The following BIRC5 variants were observed in gnomAD, a reference collection of about 807,000 sequenced individuals.
BIRC5 encodes the protein baculoviral IAP repeat-containing protein 5.
A neutral mutation model predicts 15.8 loss-of-function variants in BIRC5; 8 were observed. That is an observed-to-expected ratio of 0.51 (90% CI 0.30 to 0.91). The LOEUF (loss-of-function observed/expected upper bound fraction) is 0.91, where lower values mean the gene tolerates loss of function less well. Ranked by LOEUF, BIRC5 falls within the 40% of genes least tolerant of loss-of-function variation. The pLI is 0.07. For synonymous variants in BIRC5, 56 were observed against 64.5 expected, an observed-to-expected ratio of 0.87 and a Z score of 0.63; for missense variants, 163 against 178.6, an observed-to-expected ratio of 0.91 and a Z score of 0.50.
At chr17:78,219,300 T>C (rs2076500776) in intron 3 of BIRC5, among the ~76,000 whole-genome samples, 1 of 152,186 alleles carries the variant, frequency 6.6e-6, no homozygotes, top group Non-Finnish European at 1.5e-5. Flanking sequence ...TTCTCGTGCC[T>C]CAGGCTCCCA....
In BIRC5 at chr17:78,216,734, C is replaced by G; in HGVS notation, c.292C>G (p.Leu98Val). The G allele has an allele frequency of 6.2e-7, 1 of 1,614,018 alleles. No individual in the cohort carries two copies. Among genetic ancestry groups the G allele is most frequent in the Non-Finnish European group, 8.5e-7 (1 of 1,179,942 alleles). ...CAAGAAGCAGTTTGAAGAATTAACCCTTGGTGAATTTTTGAAACTGGACAG... is the reference window on the plus strand; with the variant it reads ...CAAGAAGCAGTTTGAAGAATTAACCGTTGGTGAATTTTTGAAACTGGACAG... ...SVKKQFEELT[L>V]GEFLKLDRER... Residue 98 changes from leucine to valine, a missense_variant, in exon 3 of 4, where the codon CTT becomes GTT. Physicochemically the swap from Leu to Val is conservative, Grantham distance 32 (BLOSUM62 1). Transcript: ENST00000350051.
chr17:78,222,332 A>G (rs1407253471), intron 3 of BIRC5, among the ~76,000 whole-genome samples: 1 of 151,696 alleles, frequency 6.6e-6, no homozygotes, highest in East Asian at 1.9e-4. Flanking sequence ...TTTATTACTT[A>G]TACATGAGGT....
intron 1 of BIRC5, 48 bp from the exon 2 acceptor site, chr17:78,214,632 G>T: frequency 6.6e-7 from 1 of 1,516,178 alleles, no homozygotes; most frequent in African/African-American, 1.4e-5. Context: ...CTGGGCCTCG[G>T]GGTTCCGGGC....
chr17:78,215,985 T>C (rs770701265), intron 2 of BIRC5: 15 of 1,063,494 alleles, frequency 1.4e-5, no homozygotes, highest in East Asian at 7.8e-5. Flanking sequence ...CACGGTGGCT[T>C]ACGCCTGTAA....
intron 2 of BIRC5, 169 bp downstream of exon 2, chr17:78,214,958 A>G: frequency 1.6e-6 from 1 of 635,298 alleles, no homozygotes; most frequent in South Asian, 1.8e-5. Flanking sequence ...GGTGATGCTT[A>G]CAACCTAATT....
rs2076467075 is a variant in BIRC5, at chr17:78,214,934, T to C, written c.221+145T>C. 9.6e-6 allele frequency: 7 copies of C among 732,658 alleles called. No homozygotes were observed. The South Asian group carries it at 1.1e-4, about 12-fold the overall frequency. 45.4% of individuals were successfully genotyped at this position (732,658 alleles called of 1,614,324 possible). On this transcript the variant is annotated intron_variant, in intron 2 of 3. Transcript: ENST00000350051. Reference sequence around the variant, plus strand: ...GCTGTTGTGAACGGATACCTCTCTATATGCTGGTGCCTTGGTGATGCTTAC... The same window carrying C: ...GCTGTTGTGAACGGATACCTCTCTACATGCTGGTGCCTTGGTGATGCTTAC...
chr17:78,218,568 G>A (rs2076495926), intron 3 of BIRC5, among the ~76,000 whole-genome samples: 1 of 150,320 alleles, frequency 6.7e-6, no homozygotes. Context: ...GGGATTACAG[G>A]CATGAGCCAC....
At chr17:78,215,908 G>A (rs1163895051) in intron 2 of BIRC5, 27 of 1,065,478 alleles carry the variant, frequency 2.5e-5, no homozygotes, top group Non-Finnish European at 3.1e-5. Context: ...GTGTGAGCTA[G>A]GGGGTCCCTT....
rs2076528401 is a variant in BIRC5 at position 78,223,484 on chromosome 17, A to G, written c.359A>G (p.Lys120Arg). The change falls in exon 4 of 4, where the codon AAG becomes AGG. Residue 120 changes from lysine to arginine, a missense_variant. Coordinates refer to ENST00000350051, the MANE Select transcript of BIRC5 (RefSeq NM_001168.3). ...KNKIAKETNN[K>R]KKEFEETAEK... ...TTCCAGGCAAAGGAAACCAACAATA[A>G]GAAGAAAGAATTTGAGGAAACTGCG... 6.2e-7 allele frequency: 1 copy of G among 1,600,976 alleles called. No individual in the cohort carries two copies. Among genetic ancestry groups the G allele is most frequent in the Non-Finnish European group, 8.5e-7 (1 of 1,173,308 alleles).
chr17:78,216,880 A>ATTTT, intron 3 of BIRC5, 99 bp downstream of exon 3: 2 of 688,318 alleles, frequency 2.9e-6, no homozygotes, highest in Non-Finnish European at 4.5e-6. Context: ...CTCAGGAAGC[A>ATTTT]TTTTTTTTTT....
intron 3 of BIRC5, among the ~76,000 whole-genome samples, chr17:78,221,949 C>T (rs1460162600): frequency 2.0e-5 from 3 of 152,116 alleles, no homozygotes; most frequent in Non-Finnish European, 4.4e-5. Context: ...TGAATCCCAG[C>T]ACTTTGGGAG....
At chr17:78,221,359 C>T (rs904281099) in intron 3 of BIRC5, among the ~76,000 whole-genome samples, 4 of 152,216 alleles carry the variant, frequency 2.6e-5, no homozygotes, top group African/African-American at 7.2e-5. Context: ...TCAAGCAATC[C>T]TCCTGCCTCA....
At chr17:78,219,859 C>T (rs2076503602) in intron 3 of BIRC5, among the ~76,000 whole-genome samples, 1 of 152,214 alleles carries the variant, frequency 6.6e-6, no homozygotes, top group Non-Finnish European at 1.5e-5. Context: ...CTGTTTTAGA[C>T]AAGGAGCAGC....
chr17:78,222,812 G>A (rs2076524103), intron 3 of BIRC5: 5 of 1,535,856 alleles, frequency 3.3e-6, no homozygotes, highest in Non-Finnish European at 4.4e-6. Flanking sequence ...TAATGTGATT[G>A]TCATTTGCCC....
At chr17:78,222,876 A>C in intron 3 of BIRC5, 1 of 1,536,082 alleles carries the variant, frequency 6.5e-7, no homozygotes, top group African/African-American at 1.4e-5. Context: ...AGATTCAGGG[A>C]GGGACTGGAA....
In BIRC5 at chr17:78,224,689, G is replaced by A. The variant is rs928827133; in HGVS notation, c.*1135G>A. 6.6e-6 allele frequency: 1 copy of A among 152,240 alleles called. No individual in the cohort carries two copies. Among genetic ancestry groups the A allele is most frequent in the East Asian group, 1.9e-4 (1 of 5,200 alleles). 9.4% of individuals were successfully genotyped at this position (152,240 alleles called of 1,614,324 possible). On this transcript the variant is annotated 3_prime_UTR_variant, in exon 4 of 4. Coordinates refer to ENST00000350051, the MANE Select transcript of BIRC5 (RefSeq NM_001168.3). ...GCTGTTCCTGAGAAATAAAAAGCCT[G>A]TCATTTCAAACACTGCTGTGGACCC...
Position 78,214,290 on chromosome 17 carries a change from C to T in BIRC5, c.-27C>T, listed in dbSNP as rs763927641. The T allele has an allele frequency of 1.4e-5, 22 of 1,584,468 alleles. No homozygotes were observed. The South Asian group carries it at 2.1e-4, about 15-fold the overall frequency. The stretch of plus-strand genomic sequence containing the variant: ...TAACCGCCAGATTTGAATCGCGGGA[C>T]CCGTTGGCAGAGGTGGCGGCGGCGG... On this transcript the variant is annotated 5_prime_UTR_variant, in exon 1 of 4. Transcript: ENST00000350051.
At position 78,223,711 on chromosome 17, in the gene BIRC5, C is replaced by A; in HGVS notation, c.*157C>A. 1 of 1,426,036 alleles carries A rather than the reference C, an allele frequency of 7.0e-7. No individual in the cohort carries two copies. The allele number at this position is 1,426,036 out of a possible 1,614,324, so 88.3% of individuals were successfully genotyped here. On this transcript the variant is annotated 3_prime_UTR_variant, in exon 4 of 4. Transcript: ENST00000350051. ...TGTTTCAACTGTGCTCTTGTTTTGT[C>A]TTGAAAGTGGCACCAGAGGTGCTTC...
intron 2 of BIRC5, 97 bp from the exon 3 acceptor site, chr17:78,216,567 G>A: frequency 1.0e-6 from 1 of 955,536 alleles, no homozygotes; most frequent in Non-Finnish European, 1.7e-6. Context: ...GCAGAGCAGG[G>A]TGTGCCTGTG....
Sources: gnomAD v4.1 joint callset for allele counts (sites outside exome capture counted in the v4.1 genomes callset) on GRCh38, gnomAD v4.1.1 for gene constraint, MANE v1.5 for transcripts, NCBI Gene and HGNC (gene_info 2026-07-23, HGNC 2026-07-21) for gene names.